ESR1: variants seen among roughly 807,000 people sequenced by gnomAD.
ESR1 encodes estrogen receptor.
Under a neutral mutation model 52.7 loss-of-function variants are expected in ESR1, and 12 were observed. That is an observed-to-expected ratio of 0.23 (90% CI 0.15 to 0.37). ESR1 has a LOEUF of 0.37. Among genes scored for constraint, ESR1 ranks in the 10% least tolerant of loss-of-function variants. ESR1 has a pLI of 1.00. For synonymous variants in ESR1, 305 were observed against 316.8 expected (o/e 0.96, Z 0.39); for missense variants, 584 against 779.7 (o/e 0.75, Z 2.99).
chr6:151,710,360 C>G (rs1228433281), intron 2 of ESR1, among the ~76,000 whole-genome samples: 2 of 151,700 alleles, frequency 1.3e-5, no homozygotes, highest in Non-Finnish European at 2.9e-5. Context: ...GATGCTCCAA[C>G]CGTATAAATG....
At chr6:151,736,356 TTAC>T (rs2128048997) in intron 2 of ESR1, among the ~76,000 whole-genome samples, 1 of 146,856 alleles carries the variant, frequency 6.8e-6, no homozygotes, top group East Asian at 2.0e-4. Context: ...CAATAAATAC[TTAC>T]TGTATTCCAG....
intron 2 of ESR1, among the ~76,000 whole-genome samples, chr6:151,786,108 C>T (rs1367984348): frequency 6.6e-6 from 1 of 152,144 alleles, no homozygotes; most frequent in Non-Finnish European, 1.5e-5. Flanking sequence ...CTGAGGGCTG[C>T]CTGGCTTGTC....
At chr6:152,116,771 A>G (rs2152514805) in intron 6 of ESR1, among the ~76,000 whole-genome samples, 1 of 151,728 alleles carries the variant, frequency 6.6e-6, no homozygotes, top group South Asian at 2.1e-4. Context: ...TTTATATTAT[A>G]CAAATATATA....
upstream of ESR1, among the ~76,000 whole-genome samples, chr6:151,687,914 G>T (rs1778752735): frequency 6.6e-6 from 1 of 152,086 alleles, no homozygotes; most frequent in Non-Finnish European, 1.5e-5. Context: ...AGGTGTAATG[G>T]CATGATACAT....
At chr6:151,880,457 A>G (rs1792695924) in intron 2 of ESR1, among the ~76,000 whole-genome samples, 198 bp from the exon 3 acceptor site, 1 of 151,996 alleles carries the variant, frequency 6.6e-6, no homozygotes, top group African/African-American at 2.4e-5. Flanking sequence ...CTGGGATTAC[A>G]GGCATGAGCC....
rs9340956 is a variant in ESR1, at chr6:152,009,154, C to G, written c.1097-2502C>G. Among the ~76,000 whole-genome samples the G allele has an allele frequency of 9.1e-4, 139 of 152,152 alleles. 2 individuals are homozygous for G. In the South Asian group the frequency reaches 0.028, roughly 31 times the overall value. On this transcript the variant is annotated intron_variant, in intron 4 of 7. Transcript: ENST00000206249. Reference sequence around the variant, plus strand: ...TGAAACCAAATCATTGCTTTTTCATCTTTTACTTATCCTTATAAACAAAGC... The same window carrying G: ...TGAAACCAAATCATTGCTTTTTCATGTTTTACTTATCCTTATAAACAAAGC...
intron 2 of ESR1, among the ~76,000 whole-genome samples, chr6:151,797,582 C>T (rs1180864001): frequency 6.6e-6 from 1 of 152,214 alleles, no homozygotes; most frequent in Non-Finnish European, 1.5e-5. Flanking sequence ...GATTTGACTG[C>T]TGTTGAATAT....
At chr6:151,912,231 A>G (rs1798377235) in intron 3 of ESR1, among the ~76,000 whole-genome samples, 1 of 152,242 alleles carries the variant, frequency 6.6e-6, no homozygotes, top group African/African-American at 2.4e-5. Context: ...TAGGCGCTGT[A>G]TCTTACATTA....
At chr6:151,701,935 T>C (rs1010716279) in exon 2 of ESR1, 1 of 152,188 alleles carries the variant, frequency 6.6e-6, no homozygotes, top group Non-Finnish European at 1.5e-5. Flanking sequence ...GGGACTGCGG[T>C]ACCAAATATC....
intron 3 of ESR1, among the ~76,000 whole-genome samples, chr6:151,904,702 G>T (rs1339319044): frequency 6.6e-6 from 1 of 151,926 alleles, no homozygotes; most frequent in Non-Finnish European, 1.5e-5. Context: ...AATAATAATC[G>T]ATTTTGGATT....
intron 1 of ESR1, among the ~76,000 whole-genome samples, chr6:151,828,517 T>C (rs2128208516): frequency 6.6e-6 from 1 of 152,294 alleles, no homozygotes; most frequent in Middle Eastern, 3.4e-3. Context: ...AGCACAGGCA[T>C]GGCAGATTTG....
At chr6:151,758,540 C>T (rs987509318) in intron 2 of ESR1, among the ~76,000 whole-genome samples, 2 of 151,964 alleles carry the variant, frequency 1.3e-5, no homozygotes, top group African/African-American at 2.4e-5. Flanking sequence ...GTGGGCGGAT[C>T]ACCTGAGGTC....
intron 1 of ESR1, chr6:151,814,058 C>T (rs1170266933): frequency 6.6e-6 from 1 of 152,222 alleles, no homozygotes; most frequent in Non-Finnish European, 1.5e-5. Context: ...ATCCTTCGGT[C>T]CCGGGCTCAT....
chr6:151,991,930 A>C (rs2041065678), intron 4 of ESR1, among the ~76,000 whole-genome samples: 1 of 151,898 alleles, frequency 6.6e-6, no homozygotes, highest in Non-Finnish European at 1.5e-5. Context: ...CTCCTGGTTG[A>C]CTTGCTCTTC....
At chr6:151,793,692 C>T (rs1409454216) in intron 2 of ESR1, among the ~76,000 whole-genome samples, 1 of 152,146 alleles carries the variant, frequency 6.6e-6, no homozygotes, top group African/African-American at 2.4e-5. Flanking sequence ...AGACCACTGT[C>T]ATATCTGCAG....
intron 5 of ESR1, among the ~76,000 whole-genome samples, chr6:152,028,155 A>T (rs2044322198): frequency 6.6e-6 from 1 of 152,060 alleles, no homozygotes; most frequent in Non-Finnish European, 1.5e-5. Flanking sequence ...AAAAAAAATA[A>T]ATAGGGGGCG....
intron 1 of ESR1, among the ~76,000 whole-genome samples, chr6:151,839,594 T>C (rs1246211678): frequency 2.0e-5 from 3 of 152,224 alleles, no homozygotes; most frequent in Non-Finnish European, 2.9e-5. Flanking sequence ...GCAATCCAGA[T>C]GTCTATAGAT....
At chr6:151,733,830 G>A (rs1782440283) in intron 2 of ESR1, among the ~76,000 whole-genome samples, 1 of 152,184 alleles carries the variant, frequency 6.6e-6, no homozygotes, top group Admixed American at 6.5e-5. Context: ...CCCAGATCCT[G>A]TGGAGCTGTC....
At chr6:151,673,290 C>A (rs182920208) in intron 1 of ESR1, among the ~76,000 whole-genome samples, 1 of 152,148 alleles carries the variant, frequency 6.6e-6, no homozygotes, top group South Asian at 2.1e-4. Context: ...AAATTTTAAT[C>A]AAGTTCTTGG....
Sources: allele counts gnomAD v4.1 joint callset (sites outside exome capture counted in the v4.1 genomes callset), GRCh38; gene constraint gnomAD v4.1.1; transcripts MANE v1.5; gene names NCBI Gene and HGNC (gene_info 2026-07-23, HGNC 2026-07-21).